PDE6D: variants seen among roughly 807,000 people sequenced by gnomAD.
The protein encoded by PDE6D is retinal rod rhodopsin-sensitive cGMP 3',5'-cyclic phosphodiesterase subunit delta.
Under a neutral mutation model 21.9 loss-of-function variants are expected in PDE6D, and 10 were observed. The ratio of observed to expected loss-of-function variants is 0.46; its 90% CI spans 0.28 to 0.78. PDE6D has a LOEUF of 0.78. Among genes scored for constraint, PDE6D ranks in the 30% least tolerant of loss-of-function variants. The pLI is 0.12. For missense variants in PDE6D, 139 were observed against 184.8 expected, an observed-to-expected ratio of 0.75 and a Z score of 1.44; for synonymous variants, 59 against 63.5, an observed-to-expected ratio of 0.93 and a Z score of 0.34.
Position 231,739,380 on chromosome 2 carries a change from G to C in PDE6D, c.51-192C>G, listed in dbSNP as rs906806966. On this transcript the variant is annotated intron_variant, in intron 1 of 4. Coordinates refer to ENST00000287600, the MANE Select transcript of PDE6D (RefSeq NM_002601.4). This position sits in a 1 kb window ranked among gnomAD's most constrained non-coding sequence, Gnocchi z 4.2. ...ATCTAAAGGAAGAAGCAGAAACCTA[G>C]AGAAGTTACTTTTATCTATGAGAAT... 2.8e-6 allele frequency: 2 copies of C among 710,884 alleles called. No homozygotes were observed. The highest frequency in any genetic ancestry group is 5.2e-6 in the Non-Finnish European group (2 of 384,620). 44.0% of individuals were successfully genotyped at this position (710,884 alleles called of 1,614,324 possible).
intron 1 of PDE6D, among the ~76,000 whole-genome samples, chr2:231,763,181 G>C (rs899780111): frequency 6.6e-6 from 1 of 152,204 alleles, no homozygotes; most frequent in South Asian, 2.1e-4. Context: ...GAAATTCAGA[G>C]AGAGTATTTA....
intron 1 of PDE6D, among the ~76,000 whole-genome samples, chr2:231,752,386 T>C (rs1447902739): frequency 6.6e-6 from 1 of 152,148 alleles, no homozygotes. Flanking sequence ...TTACAGTTGT[T>C]CCAGGATTAT....
At chr2:231,770,419 C>T (rs571755503) in intron 1 of PDE6D, among the ~76,000 whole-genome samples, 2 of 151,770 alleles carry the variant, frequency 1.3e-5, no homozygotes, top group South Asian at 4.2e-4. Flanking sequence ...TAAACCCTGG[C>T]CCCTGTATCT....
rs57179824 is a variant in PDE6D, at chr2:231,775,487, G to GT, written c.50+5577dup. On this transcript the variant is annotated intron_variant, in intron 1 of 4. Coordinates refer to ENST00000287600, the MANE Select transcript of PDE6D (RefSeq NM_002601.4). Reference sequence around the variant, plus strand: ...CCACACCTGGCTAATTTTTGTGTGTGTTTTTTTTTTTTTTTTGTAGAGGCG... The same window carrying GT: ...CCACACCTGGCTAATTTTTGTGTGTGTTTTTTTTTTTTTTTTTGTAGAGGCG... 8.9e-4 allele frequency among the ~76,000 whole-genome samples: 122 copies of GT among 136,476 alleles called. 3 individuals carry two copies. Among genetic ancestry groups the GT allele is most frequent in the Middle Eastern group, 3.8e-3 (1 of 264 alleles). The allele number at this position is 136,476 out of a possible 152,430, so 89.5% of individuals were successfully genotyped here. A position where few individuals can be genotyped will look rare whatever the true frequency, so the allele number is the denominator to read the frequency against.
chr2:231,767,458 G>A (rs933380025), intron 1 of PDE6D, among the ~76,000 whole-genome samples: 1 of 151,962 alleles, frequency 6.6e-6, no homozygotes, highest in Non-Finnish European at 1.5e-5. Context: ...TGGGACTACA[G>A]GCGCCCGCCA....
At chr2:231,744,973 G>A (rs1342726914) in intron 1 of PDE6D, among the ~76,000 whole-genome samples, 2 of 152,092 alleles carry the variant, frequency 1.3e-5, no homozygotes, top group South Asian at 2.1e-4. Flanking sequence ...TCCATCCAAC[G>A]ACGTTGGGAT....
chr2:231,738,334 T>C (rs570103336), intron 2 of PDE6D, among the ~76,000 whole-genome samples, 196 bp from the exon 3 acceptor site: 1 of 152,330 alleles, frequency 6.6e-6, no homozygotes, highest in East Asian at 1.9e-4. Context: ...CAGAGGTCTC[T>C]AATTGGTCAC....
intron 1 of PDE6D, among the ~76,000 whole-genome samples, chr2:231,746,533 T>A (rs1170790155): frequency 6.6e-6 from 1 of 152,200 alleles, no homozygotes; most frequent in African/African-American, 2.4e-5. Flanking sequence ...TTAAAGTAGT[T>A]TGTAACAATC....
intron 1 of PDE6D, among the ~76,000 whole-genome samples, chr2:231,768,127 G>T (rs1187690598): frequency 2.6e-5 from 4 of 152,070 alleles, no homozygotes; most frequent in Non-Finnish European, 5.9e-5. Flanking sequence ...TTACAGGTGT[G>T]AGCCACTGTA....
intron 1 of PDE6D, among the ~76,000 whole-genome samples, chr2:231,763,638 CTTT>C (rs756344566): frequency 1.5e-5 from 2 of 135,466 alleles, no homozygotes; most frequent in Non-Finnish European, 1.6e-5. Flanking sequence ...CTTTTTTTTT[CTTT>C]TTTTTTTTTT....
Position 231,738,109 on chromosome 2 carries a change from T to G in PDE6D, c.169A>C (p.Lys57Gln), listed in dbSNP as rs775308847. ...ARVPKKILKC[K>Q]AVSRELNFSS... is the part of the protein sequence containing the mutation. ...AAATTAAGTTCTCGAGACACTGCCT[T>G]GCACTTGAGGATTTTCTTGGGAACA... is the stretch of plus-strand genomic sequence containing the variant. Residue 57 changes from lysine to glutamine, a missense_variant, in exon 3 of 5, where the codon AAG (lysine) becomes CAG (glutamine). Lys to Gln is a moderately conservative substitution (Grantham distance 53). Coordinates refer to ENST00000287600, the MANE Select transcript of PDE6D (RefSeq NM_002601.4). The G allele has an allele frequency of 4.3e-6, 7 of 1,613,218 alleles. No homozygotes were observed. The highest frequency in any genetic ancestry group is 8.5e-7 in the Non-Finnish European group (1 of 1,179,690).
chr2:231,754,344 A>G (rs1335621351), intron 1 of PDE6D, among the ~76,000 whole-genome samples: 1 of 151,260 alleles, frequency 6.6e-6, no homozygotes, highest in Non-Finnish European at 1.5e-5. Flanking sequence ...TGTGAGAAGA[A>G]AATGGCTTTT....
intron 1 of PDE6D, among the ~76,000 whole-genome samples, chr2:231,763,145 C>T (rs1306224315): frequency 6.6e-6 from 1 of 152,154 alleles, no homozygotes; most frequent in African/African-American, 2.4e-5. Context: ...TCTACATATT[C>T]AGCAAGATCA....
intron 1 of PDE6D, among the ~76,000 whole-genome samples, chr2:231,752,920 G>A (rs2048853290): frequency 2.8e-5 from 4 of 141,218 alleles, no homozygotes; most frequent in African/African-American, 2.7e-5. Context: ...TGCAAGCTTC[G>A]CCTCCCAGTT....
rs150250163 is a variant in PDE6D at position 231,760,155 on chromosome 2, A to G, written c.50+20910T>C. On this transcript the variant is annotated intron_variant, in intron 1 of 4. Transcript: ENST00000287600. ...GTCCTTATCAAATGGGTCACATCCA[A>G]GTAAATTTCTGTTTAAATCAATAGA... Among the ~76,000 whole-genome samples the G allele has an allele frequency of 3.2e-3, 485 of 152,326 alleles. 4 individuals carry two copies. The highest frequency in any genetic ancestry group is 9.4e-3 in the African/African-American group (392 of 41,566).
intron 1 of PDE6D, among the ~76,000 whole-genome samples, chr2:231,758,536 T>A (rs371606122): frequency 5.3e-5 from 8 of 152,198 alleles, no homozygotes; most frequent in African/African-American, 1.9e-4. Context: ...TTAGAATCAC[T>A]TGGGGAACTT....
chr2:231,751,653 T>C (rs1448966145), intron 1 of PDE6D, among the ~76,000 whole-genome samples: 1 of 152,220 alleles, frequency 6.6e-6, no homozygotes, highest in Non-Finnish European at 1.5e-5. Context: ...GTCAGGTATT[T>C]TGTAGGATAT....
chr2:231,765,535 T>C (rs1244037456), intron 1 of PDE6D, among the ~76,000 whole-genome samples: 1 of 152,170 alleles, frequency 6.6e-6, no homozygotes, highest in Non-Finnish European at 1.5e-5. Flanking sequence ...TCCAGGTAAG[T>C]ATATTTTTCA....
intron 1 of PDE6D, among the ~76,000 whole-genome samples, chr2:231,762,016 G>C (rs1425261575): frequency 6.6e-6 from 1 of 152,182 alleles, no homozygotes; most frequent in Non-Finnish European, 1.5e-5. Flanking sequence ...AAGGCAAGCA[G>C]ACTTCCTCAA....
Sources: gnomAD v4.1 joint callset for allele counts (sites outside exome capture counted in the v4.1 genomes callset) on GRCh38, gnomAD v4.1.1 for gene constraint, Gnocchi (gnomAD v3.1) non-coding constraint, MANE v1.5 for transcripts, NCBI Gene and HGNC (gene_info 2026-07-23, HGNC 2026-07-21) for gene names.